MICU1: variants seen among roughly 807,000 people sequenced by gnomAD.
The protein encoded by MICU1 is calcium uptake protein 1, mitochondrial.
MICU1 carries 45 observed loss-of-function variants against 56.8 expected under a neutral mutation model. The observed-to-expected ratio is 0.79, with a 90% CI of 0.62 to 1.02. The LOEUF (loss-of-function observed/expected upper bound fraction) is 1.02. Among genes scored for constraint, MICU1 ranks in the 50% least tolerant of loss-of-function variants. The pLI is 0.00. For missense variants in MICU1, 504 were observed against 587.1 expected (o/e 0.86, Z 1.46); for synonymous variants, 186 against 195.1 (o/e 0.95, Z 0.39).
intron 4 of MICU1, among the ~76,000 whole-genome samples, chr10:72,535,781 A>T (rs1356161031): frequency 6.6e-6 from 1 of 152,310 alleles, no homozygotes; most frequent in East Asian, 1.9e-4. Flanking sequence ...TATGCTTACT[A>T]ATTGCATCAG....
chr10:72,392,664 G>C (rs1863118217), intron 10 of MICU1, among the ~76,000 whole-genome samples: 1 of 152,224 alleles, frequency 6.6e-6, no homozygotes, highest in African/African-American at 2.4e-5. Context: ...TTCAAATTCA[G>C]GCAGTCTGAC....
rs1211580394 is a variant in MICU1 at position 72,569,206 on chromosome 10, C to CAT, written c.-1-2414_-1-2413dup. On this transcript the variant is annotated intron_variant, in intron 1 of 11. Transcript: ENST00000361114. ...ATACATTTCTAAAATCATATATATG[C>CAT]ATATATATATATATATATATATATA... 9.1e-3 allele frequency among the ~76,000 whole-genome samples: 616 copies of CAT among 67,976 alleles called. 44 individuals carry two copies. The highest frequency in any genetic ancestry group is 0.019 in the African/African-American group (306 of 16,186). 44.6% of individuals were successfully genotyped at this position (67,976 alleles called of 152,430 possible). A position where few individuals can be genotyped will look rare whatever the true frequency, so the allele number is the denominator to read the frequency against.
chr10:72,480,171 T>A (rs1041988881), intron 6 of MICU1, among the ~76,000 whole-genome samples: 1 of 152,144 alleles, frequency 6.6e-6, no homozygotes, highest in African/African-American at 2.4e-5. Flanking sequence ...GGGACACATT[T>A]GAGATACCCA....
chr10:72,614,328 A>C (rs1202990544), intron 1 of MICU1, among the ~76,000 whole-genome samples: 1 of 152,222 alleles, frequency 6.6e-6, no homozygotes, highest in East Asian at 1.9e-4. Flanking sequence ...TCCTCAAAAA[A>C]TTAAACATAG....
At chr10:72,607,436 C>T (rs926131347) in intron 1 of MICU1, among the ~76,000 whole-genome samples, 2 of 151,272 alleles carry the variant, frequency 1.3e-5, no homozygotes, top group Non-Finnish European at 2.9e-5. Context: ...GCCAGGAGAT[C>T]GAGACCTTCC....
chr10:72,591,093 T>C (rs1214348303), intron 1 of MICU1, among the ~76,000 whole-genome samples: 1 of 152,076 alleles, frequency 6.6e-6, no homozygotes, highest in Non-Finnish European at 1.5e-5. Context: ...AAAGTAAAAC[T>C]GGAAAATTCA....
intron 10 of MICU1, among the ~76,000 whole-genome samples, chr10:72,384,103 C>T (rs975353888): frequency 4.6e-5 from 7 of 152,322 alleles, no homozygotes; most frequent in Middle Eastern, 3.4e-3. Flanking sequence ...AAATGATCCT[C>T]CCGCCTCAGC....
chr10:72,475,714 C>G (rs1182514055), intron 7 of MICU1: 2 of 368,830 alleles, frequency 5.4e-6, no homozygotes, highest in African/African-American at 4.3e-5. Context: ...CAGGAGTGAG[C>G]CACCGCGCCC....
chr10:72,488,207 GA>G (rs1220592573), intron 6 of MICU1, among the ~76,000 whole-genome samples: 8 of 140,226 alleles, frequency 5.7e-5, no homozygotes, highest in African/African-American at 7.9e-5. Context: ...AAAAAAAAAA[GA>G]AAAAAAAATT....
intron 8 of MICU1, among the ~76,000 whole-genome samples, chr10:72,469,968 T>C (rs1328307245): frequency 1.3e-5 from 2 of 152,198 alleles, no homozygotes; most frequent in Non-Finnish European, 2.9e-5. Context: ...TTACCCCTCA[T>C]TTAATGCAAT....
At chr10:72,545,720 T>C (rs1839878692) in intron 4 of MICU1, among the ~76,000 whole-genome samples, 1 of 152,178 alleles carries the variant, frequency 6.6e-6, no homozygotes, top group African/African-American at 2.4e-5. Flanking sequence ...AGCTATCTCC[T>C]CAGGATCAGA....
intron 8 of MICU1, among the ~76,000 whole-genome samples, chr10:72,453,260 A>G (rs531884382): frequency 6.6e-6 from 1 of 152,386 alleles, no homozygotes; most frequent in East Asian, 1.9e-4. Flanking sequence ...CCCAGCTATC[A>G]TAACCCTGTC....
At chr10:72,583,284 T>C (rs1840955235) in intron 1 of MICU1, among the ~76,000 whole-genome samples, 3 of 19,636 alleles carry the variant, frequency 1.5e-4, no homozygotes, top group African/African-American at 1.3e-3. Context: ...CTGAATGCAT[T>C]TTTTTTTTTT....
intron 5 of MICU1, among the ~76,000 whole-genome samples, chr10:72,526,579 A>T (rs1867969462): frequency 6.6e-6 from 1 of 152,210 alleles, no homozygotes; most frequent in Admixed American, 6.5e-5. Flanking sequence ...TACAGGCATG[A>T]GCCACTGCGC....
intron 6 of MICU1, among the ~76,000 whole-genome samples, chr10:72,498,961 T>C (rs1324977839): frequency 6.6e-6 from 1 of 152,218 alleles, no homozygotes; most frequent in Non-Finnish European, 1.5e-5. Context: ...TCTGTAACTA[T>C]ATTTCCACAA....
chr10:72,469,626 C>CT (rs1163074011), intron 8 of MICU1, among the ~76,000 whole-genome samples: 1 of 152,180 alleles, frequency 6.6e-6, no homozygotes, highest in Non-Finnish European at 1.5e-5. Context: ...TGTTGCCATA[C>CT]TAGGTGGCAG....
In MICU1 at chr10:72,407,960, A is replaced by G. The variant is rs1277662309; in HGVS notation, c.1149T>C (p.Phe383=). The G allele has an allele frequency of 7.4e-6, 12 of 1,613,418 alleles. No homozygotes were observed. Among genetic ancestry groups the G allele is most frequent in the Non-Finnish European group, 9.3e-6 (11 of 1,179,668 alleles). ...NINDVDTALS[F]YHMAGASLDK... ...CAAGAGATGCTCCAGCCATATGGTA[A>G]AAACTCAATGCAGTGTCCACATCAT... The change falls in exon 10 of 12, where the codon TTT becomes TTC. Residue 383 remains phenylalanine, a synonymous_variant. Coordinates refer to ENST00000361114, the MANE Select transcript of MICU1 (RefSeq NM_001195518.2).
chr10:72,614,884 T>C (rs541626960), intron 1 of MICU1, among the ~76,000 whole-genome samples: 1 of 152,212 alleles, frequency 6.6e-6, no homozygotes, highest in Admixed American at 6.5e-5. Context: ...CACTGTACAT[T>C]AAAAATTATT....
chr10:72,605,450 C>T (rs751552623), intron 1 of MICU1, among the ~76,000 whole-genome samples: 1 of 152,188 alleles, frequency 6.6e-6, no homozygotes, highest in Non-Finnish European at 1.5e-5. Context: ...GAAGTAGTCA[C>T]CCATTTATCC....
Sources: allele counts gnomAD v4.1 joint callset (sites outside exome capture counted in the v4.1 genomes callset), GRCh38; gene constraint gnomAD v4.1.1; transcripts MANE v1.5; gene names NCBI Gene and HGNC (gene_info 2026-07-23, HGNC 2026-07-21).